CDH2: variants seen among roughly 807,000 people sequenced by gnomAD.
CDH2 encodes the protein cadherin 2.
In CDH2, 17 loss-of-function variants were observed where a neutral mutation model predicts 92.0. The ratio of observed to expected loss-of-function variants is 0.18; its 90% CI spans 0.13 to 0.28. CDH2 has a LOEUF of 0.28. Ranked by LOEUF, CDH2 falls within the 10% of genes least tolerant of loss-of-function variation. The pLI, the probability that CDH2 is intolerant of heterozygous loss-of-function variation, is 1.00. For missense variants in CDH2, 862 were observed against 1,133.1 expected (o/e 0.76, Z 3.44); for synonymous variants, 419 against 415.9 (o/e 1.01, Z -0.09).
intron 1 of CDH2, among the ~76,000 whole-genome samples, chr18:28,150,571 A>G (rs1598510344): frequency 3.3e-5 from 5 of 152,114 alleles, no homozygotes; most frequent in African/African-American, 4.8e-5. Flanking sequence ...TCTGTCCTCA[A>G]TGTGCTGCCC....
chr18:27,988,326 C>G (rs978959739), intron 11 of CDH2, among the ~76,000 whole-genome samples, 198 bp downstream of exon 11: 1 of 152,180 alleles, frequency 6.6e-6, no homozygotes, highest in African/African-American at 2.4e-5. Flanking sequence ...GATGGATGGA[C>G]ATCGAGAACA....
At chr18:28,048,388 T>C (rs2014123285) in intron 2 of CDH2, among the ~76,000 whole-genome samples, 1 of 152,210 alleles carries the variant, frequency 6.6e-6, no homozygotes, top group South Asian at 2.1e-4. Flanking sequence ...CTGCTTTTCA[T>C]TTGAAATTAT....
intron 14 of CDH2, among the ~76,000 whole-genome samples, chr18:27,977,906 T>C (rs555610705): frequency 5.3e-5 from 8 of 152,296 alleles, no homozygotes; most frequent in South Asian, 4.1e-4. Flanking sequence ...AATGAAAACT[T>C]GTCCAGAACA....
At chr18:28,047,676 G>A (rs1004259977) in intron 2 of CDH2, among the ~76,000 whole-genome samples, 1 of 151,904 alleles carries the variant, frequency 6.6e-6, no homozygotes, top group African/African-American at 2.4e-5. Context: ...AGACCATCCT[G>A]GCTAACACGG....
chr18:27,958,928 T>G (rs1350743834), intron 15 of CDH2, among the ~76,000 whole-genome samples: 1 of 152,186 alleles, frequency 6.6e-6, no homozygotes, highest in East Asian at 1.9e-4. Context: ...CTGGCAAGAT[T>G]GTAAGTTTCC....
intron 2 of CDH2, among the ~76,000 whole-genome samples, chr18:28,022,730 G>A (rs184744214): frequency 1.3e-5 from 2 of 152,140 alleles, no homozygotes; most frequent in East Asian, 3.9e-4. Flanking sequence ...AAAATAATGA[G>A]TTTCAAACAT....
chr18:27,953,554 A>C (rs1209111865), intron 15 of CDH2, among the ~76,000 whole-genome samples: 2 of 152,160 alleles, frequency 1.3e-5, no homozygotes, highest in Non-Finnish European at 2.9e-5. Context: ...CTGCCAATAC[A>C]CATGCATTTT....
chr18:27,975,719 G>A (rs1353221582), intron 14 of CDH2, among the ~76,000 whole-genome samples: 2 of 152,188 alleles, frequency 1.3e-5, no homozygotes, highest in African/African-American at 4.8e-5. Context: ...CAAGAGGTCC[G>A]TGTGACAGCC....
At chr18:28,146,077 T>C (rs963007703) in intron 2 of CDH2, among the ~76,000 whole-genome samples, 1 of 152,126 alleles carries the variant, frequency 6.6e-6, no homozygotes, top group Non-Finnish European at 1.5e-5. Flanking sequence ...GAAAACAAGC[T>C]ATCATTTTCA....
At chr18:27,997,569 G>A (rs1240275570) in intron 7 of CDH2, among the ~76,000 whole-genome samples, 1 of 152,102 alleles carries the variant, frequency 6.6e-6, no homozygotes, top group Non-Finnish European at 1.5e-5. Flanking sequence ...AAAAAGAGAA[G>A]AACTTGATGA....
chr18:28,039,239 C>T (rs942451432), intron 2 of CDH2, among the ~76,000 whole-genome samples: 2 of 152,070 alleles, frequency 1.3e-5, no homozygotes, highest in African/African-American at 4.8e-5. Flanking sequence ...ACATTTCTGA[C>T]GTCTCAGGAT....
intron 9 of CDH2, among the ~76,000 whole-genome samples, 181 bp from the exon 10 acceptor site, chr18:27,990,531 A>T (rs2012383520): frequency 6.6e-6 from 1 of 152,204 alleles, no homozygotes; most frequent in South Asian, 2.1e-4. Flanking sequence ...TATTTATCCC[A>T]ATTTAACCTA....
intron 1 of CDH2, among the ~76,000 whole-genome samples, chr18:28,173,376 C>T (rs895849404): frequency 5.9e-5 from 9 of 152,092 alleles, no homozygotes; most frequent in Admixed American, 5.9e-4. Context: ...AAACTCTGAA[C>T]ACCAAGTTAA....
At chr18:27,952,764 C>T (rs1375056660) in intron 15 of CDH2, among the ~76,000 whole-genome samples, 2 of 152,154 alleles carry the variant, frequency 1.3e-5, no homozygotes, top group African/African-American at 4.8e-5. Context: ...ACAAGAGACA[C>T]ACAAATGAGT....
intron 7 of CDH2, among the ~76,000 whole-genome samples, chr18:27,998,886 C>T (rs2012674188): frequency 6.6e-6 from 1 of 152,106 alleles, no homozygotes; most frequent in Admixed American, 6.6e-5. Context: ...GCTGGGTGCC[C>T]CTTGGAGAAG....
chr18:28,147,277 A>G (rs2016050164), intron 2 of CDH2, among the ~76,000 whole-genome samples: 1 of 152,050 alleles, frequency 6.6e-6, no homozygotes, highest in African/African-American at 2.4e-5. Context: ...AAATATTATA[A>G]TAATTTCCTT....
intron 2 of CDH2, among the ~76,000 whole-genome samples, chr18:28,018,163 C>CA (rs368206125): frequency 0.045 from 4,337 of 97,084 alleles, 116 homozygotes; most frequent in African/African-American, 0.092. Flanking sequence ...ACAATAGCTA[C>CA]AAAAAAAAAA....
chr18:27,974,273 C>T (rs372879485), intron 14 of CDH2, among the ~76,000 whole-genome samples: 1 of 152,116 alleles, frequency 6.6e-6, no homozygotes, highest in Non-Finnish European at 1.5e-5. Context: ...TAACATATAT[C>T]AAGAAAGCTG....
intron 15 of CDH2, among the ~76,000 whole-genome samples, chr18:27,956,552 A>T (rs748719155): frequency 3.9e-5 from 6 of 152,148 alleles, no homozygotes; most frequent in Non-Finnish European, 8.8e-5. Context: ...GCTTTAGTGG[A>T]GGTCATCATT....
Sources: allele counts gnomAD v4.1 joint callset (sites outside exome capture counted in the v4.1 genomes callset), GRCh38; gene constraint gnomAD v4.1.1; transcripts MANE v1.5; gene names NCBI Gene and HGNC (gene_info 2026-07-23, HGNC 2026-07-21).